LDLRAD4: variants seen among roughly 807,000 people sequenced by gnomAD.
The protein encoded by LDLRAD4 is low-density lipoprotein receptor class A domain-containing protein 4.
A neutral mutation model predicts 17.0 loss-of-function variants in LDLRAD4; 5 were observed. The ratio of observed to expected loss-of-function variants is 0.29; its 90% confidence interval spans 0.15 to 0.62. LDLRAD4 has a LOEUF of 0.62. Among genes scored for constraint, LDLRAD4 ranks in the 20% least tolerant of loss-of-function variants. The probability of loss-of-function intolerance (pLI) is 0.84; values close to 1 mark genes in which losing one functional copy is unlikely to be tolerated. For synonymous variants in LDLRAD4, 168 were observed against 171.8 expected (o/e 0.98, Z 0.17); for missense variants, 340 against 424.7 (o/e 0.80, Z 1.75).
intron 1 of LDLRAD4, among the ~76,000 whole-genome samples, chr18:13,236,126 G>GA (rs2042317038): frequency 2.6e-5 from 4 of 152,212 alleles, no homozygotes; most frequent in Admixed American, 2.6e-4. Context: ...TTGCTATGGG[G>GA]ATAGCAAGGT....
Position 13,398,007 on chromosome 18 carries a change from G to A in LDLRAD4, c.40+10245G>A, listed in dbSNP as rs1000337638. On this transcript the variant is annotated intron_variant, in intron 2 of 5. Coordinates refer to ENST00000359446, the Ensembl canonical transcript of LDLRAD4. The surrounding 1 kb of genome is among the most constrained non-coding windows in gnomAD (Gnocchi z 4.8). Reference sequence around the variant, plus strand: ...TGAGACAGCCCCAGGAGGTGTGGGCGTGATCCGAGTTTGTGGCTCAGGATC... The same window carrying A: ...TGAGACAGCCCCAGGAGGTGTGGGCATGATCCGAGTTTGTGGCTCAGGATC... 1.3e-5 allele frequency among the ~76,000 whole-genome samples: 2 copies of A among 152,178 alleles called. No homozygotes were observed. The highest frequency in any genetic ancestry group is 2.9e-5 in the Non-Finnish European group (2 of 68,028).
chr18:13,621,132 C>T lies in LDLRAD4; in HGVS notation c.197C>T (p.Ala66Val). The T allele has an allele frequency of 1.2e-6, 2 of 1,614,204 alleles. No individual in the cohort carries two copies. Among genetic ancestry groups the T allele is most frequent in the Non-Finnish European group, 1.7e-6 (2 of 1,180,046 alleles). The change falls in exon 4 of 6, where the codon GCC becomes GTC. Residue 66 changes from alanine to valine, a missense_variant. Physicochemically the swap from Ala to Val is moderately conservative, Grantham distance 64. Coordinates refer to ENST00000359446, the Ensembl canonical transcript of LDLRAD4. This position sits in a 1 kb window ranked among gnomAD's most constrained non-coding sequence, Gnocchi z 5.5. ...TCCATGGCAGCGGAGCTGGAGTTCG[C>T]CCAAATCATCATCATCGTCGTGGTG... is the stretch of plus-strand genomic sequence containing the variant.
Position 13,391,027 on chromosome 18 carries a change from C to T in LDLRAD4, c.40+3265C>T, listed in dbSNP as rs1414483095. On this transcript the variant is annotated intron_variant, in intron 2 of 5. Coordinates refer to ENST00000359446, the Ensembl canonical transcript of LDLRAD4. ...GTGAAGGTGTAGCTTTAGAAGGAGG[C>T]GCTCAGGAGTCCGGTGCCCAGCCCA... 4.6e-5 allele frequency among the ~76,000 whole-genome samples: 7 copies of T among 152,314 alleles called. No individual in the cohort carries two copies. In the East Asian group the frequency reaches 7.7e-4, roughly 17 times the overall value.
chr18:13,264,757 G>GCT (rs2044118755), intron 1 of LDLRAD4, among the ~76,000 whole-genome samples: 2 of 152,340 alleles, frequency 1.3e-5, no homozygotes, highest in South Asian at 4.1e-4. Context: ...TGTTGATGAA[G>GCT]CTTTCTGAGA....
intron 1 of LDLRAD4, among the ~76,000 whole-genome samples, chr18:13,340,274 AG>A (rs1254329503): frequency 6.6e-6 from 1 of 152,122 alleles, no homozygotes; most frequent in East Asian, 1.9e-4. Context: ...AGTTCTTTTG[AG>A]GATAGCTCCA....
chr18:13,634,166 CT>C (rs1568434936), intron 4 of LDLRAD4, among the ~76,000 whole-genome samples: 1 of 152,200 alleles, frequency 6.6e-6, no homozygotes, highest in Non-Finnish European at 1.5e-5. Flanking sequence ...AGGATGCCTG[CT>C]TTCACTACTT....
At chr18:13,421,418 A>G (rs370003381) in intron 2 of LDLRAD4, among the ~76,000 whole-genome samples, 1 of 152,144 alleles carries the variant, frequency 6.6e-6, no homozygotes, top group Non-Finnish European at 1.5e-5. Flanking sequence ...GTGAGCATGC[A>G]GGGTGGCCTC....
In LDLRAD4 at chr18:13,455,565, G is replaced by A. The variant is rs78259118; in HGVS notation, c.181+17181G>A. 9.7e-3 allele frequency among the ~76,000 whole-genome samples: 1,475 copies of A among 152,266 alleles called. 25 individuals carry two copies. The highest frequency in any genetic ancestry group is 0.033 in the African/African-American group (1,374 of 41,544). ...CTCAGCATCCCCCCACAGCCTGGAC[G>A]GCTCTGAGGGTGGGTCGTCATTCCC... On this transcript the variant is annotated intron_variant, in intron 3 of 5. Transcript: ENST00000359446.
intron 2 of LDLRAD4, among the ~76,000 whole-genome samples, chr18:13,392,178 C>A (rs1599878730): frequency 6.6e-6 from 1 of 152,232 alleles, no homozygotes; most frequent in East Asian, 1.9e-4. Context: ...GTTGCCTGTT[C>A]ACAGTGACTG....
chr18:13,308,803 T>C (rs2047063558), intron 1 of LDLRAD4, among the ~76,000 whole-genome samples: 1 of 152,246 alleles, frequency 6.6e-6, no homozygotes, highest in Non-Finnish European at 1.5e-5. Flanking sequence ...TTCCAAGTTT[T>C]TGTTATTTGT....
chr18:13,569,068 G>GA lies in LDLRAD4; in HGVS notation c.182-52039dup, dbSNP rs945810884. Among the ~76,000 whole-genome samples the GA allele has an allele frequency of 3.4e-4, 50 of 148,594 alleles. 1 individual carries two copies. The highest frequency in any genetic ancestry group is 1.0e-3 in the Admixed American group (15 of 15,016). On this transcript the variant is annotated intron_variant, in intron 3 of 5. Transcript: ENST00000359446. ...GATTACACGAGCAACTACATCATTT[G>GA]AAAAAAAAAATGATTATAAGAAGCT...
At chr18:13,260,069 T>C (rs2043730207) in intron 1 of LDLRAD4, among the ~76,000 whole-genome samples, 1 of 152,212 alleles carries the variant, frequency 6.6e-6, no homozygotes, top group Non-Finnish European at 1.5e-5. Flanking sequence ...AGCAGGTAGA[T>C]TTTGTAGGAT....
At chr18:13,608,957 T>A (rs1219847019) in intron 3 of LDLRAD4, among the ~76,000 whole-genome samples, 2 of 152,234 alleles carry the variant, frequency 1.3e-5, no homozygotes, top group Non-Finnish European at 2.9e-5. Context: ...TGTCCCTGCC[T>A]TGCTCCATTT....
chr18:13,500,403 GT>G (rs998678562), intron 3 of LDLRAD4, among the ~76,000 whole-genome samples: 10 of 152,228 alleles, frequency 6.6e-5, no homozygotes, highest in Admixed American at 2.6e-4. Flanking sequence ...GCTTTTTCAT[GT>G]TGTCCACACC....
intron 3 of LDLRAD4, among the ~76,000 whole-genome samples, chr18:13,579,170 G>T (rs939954120): frequency 2.0e-5 from 3 of 151,842 alleles, no homozygotes; most frequent in Non-Finnish European, 4.4e-5. Flanking sequence ...AGCCTGGGTG[G>T]CAGAGCAAGA....
At chr18:13,529,455 T>C (rs1478403239) in intron 3 of LDLRAD4, among the ~76,000 whole-genome samples, 1 of 152,184 alleles carries the variant, frequency 6.6e-6, no homozygotes, top group Non-Finnish European at 1.5e-5. Flanking sequence ...TATGGAGACC[T>C]TGGCAACCTC....
rs754480166 is a variant in LDLRAD4 at position 13,258,999 on chromosome 18, T to C, written c.-466-19106T>C. 3.3e-5 allele frequency among the ~76,000 whole-genome samples: 5 copies of C among 152,354 alleles called. 1 individual carries two copies. In the South Asian group the frequency reaches 8.3e-4, roughly 25 times the overall value. On this transcript the variant is annotated intron_variant, in intron 1 of 5. Coordinates refer to the LDLRAD4 transcript ENST00000399848. ...GACAGCAGGTCTCTAGGTGGGTTCA[T>C]TGAGTATTTAGGTCAATGATCTTGT...
intron 1 of LDLRAD4, among the ~76,000 whole-genome samples, chr18:13,369,878 A>T (rs1244480273): frequency 6.6e-6 from 1 of 152,220 alleles, no homozygotes; most frequent in Non-Finnish European, 1.5e-5. Context: ...CTCTCAAATC[A>T]GAGGCAACTG....
At chr18:13,342,119 T>C (rs1007385869) in intron 1 of LDLRAD4, among the ~76,000 whole-genome samples, 2 of 152,130 alleles carry the variant, frequency 1.3e-5, no homozygotes, top group Non-Finnish European at 2.9e-5. Context: ...TTTAATATGC[T>C]TCTGAGTTTG....
Sources: gnomAD v4.1 joint callset for allele counts (sites outside exome capture counted in the v4.1 genomes callset) on GRCh38, gnomAD v4.1.1 for gene constraint, Gnocchi (gnomAD v3.1) non-coding constraint, MANE v1.5 for transcripts, NCBI Gene and HGNC (gene_info 2026-07-23, HGNC 2026-07-21) for gene names.